The following CNOT4 variants were observed in gnomAD, a reference collection of about 807,000 sequenced individuals.
CNOT4 encodes CCR4-NOT transcription complex subunit 4, also known as CCR4-associated factor 4.
In CNOT4, 8 loss-of-function variants were observed where a neutral mutation model predicts 73.8. The observed-to-expected ratio is 0.11, with a 90% CI of 0.06 to 0.20. CNOT4 has a LOEUF of 0.20. Among genes scored for constraint, CNOT4 ranks in the 10% least tolerant of loss-of-function variants. CNOT4 has a pLI of 1.00. For missense variants in CNOT4, 564 were observed against 883.4 expected (o/e 0.64, Z 4.58); for synonymous variants, 293 against 321.1 (o/e 0.91, Z 0.94).
rs767971008 is a variant in CNOT4 at position 135,398,238 on chromosome 7, A to G, written c.822-12T>C. On this transcript the variant is annotated splice_polypyrimidine_tract_variant and intron_variant, in intron 7 of 11. Transcript: ENST00000541284. ...GTTTGTCAATGGGGCTATAAAAAGA[A>G]AACAAATTGAATAAAATCAGAATAT... 5 of 1,398,778 alleles carry G rather than the reference A, an allele frequency of 3.6e-6. No homozygotes were observed. The East Asian group carries it at 1.1e-4, about 32-fold the overall frequency. 86.6% of individuals were successfully genotyped at this position (1,398,778 alleles called of 1,614,324 possible).
At chr7:135,504,247 T>C (rs899219226) in intron 1 of CNOT4, among the ~76,000 whole-genome samples, 1 of 152,040 alleles carries the variant, frequency 6.6e-6, no homozygotes, top group African/African-American at 2.4e-5. Context: ...CTATTTTGCC[T>C]ACATCATTCA....
intron 1 of CNOT4, among the ~76,000 whole-genome samples, chr7:135,487,669 T>C (rs1802818701): frequency 6.6e-6 from 1 of 152,162 alleles, no homozygotes; most frequent in African/African-American, 2.4e-5. Flanking sequence ...ACATTGATAG[T>C]AGCAATATGA....
intron 1 of CNOT4, among the ~76,000 whole-genome samples, chr7:135,479,367 C>T (rs1339055961): frequency 2.0e-5 from 3 of 151,268 alleles, no homozygotes; most frequent in Non-Finnish European, 4.4e-5. Flanking sequence ...CACCACCATG[C>T]CCAGCTAATT....
At chr7:135,456,706 C>G (rs1005320140) in intron 1 of CNOT4, among the ~76,000 whole-genome samples, 48 of 152,034 alleles carry the variant, frequency 3.2e-4, no homozygotes, top group Non-Finnish European at 6.5e-4. Flanking sequence ...GCTATATAAA[C>G]AGTTACTGTG....
intron 1 of CNOT4, among the ~76,000 whole-genome samples, chr7:135,460,564 A>G (rs1441364186): frequency 6.6e-6 from 1 of 152,178 alleles, no homozygotes; most frequent in Non-Finnish European, 1.5e-5. Context: ...ACGTAGGTGC[A>G]GTTCCCGGCA....
intron 10 of CNOT4, among the ~76,000 whole-genome samples, chr7:135,382,408 A>G (rs1391851561): frequency 6.6e-6 from 1 of 152,210 alleles, no homozygotes; most frequent in East Asian, 1.9e-4. Context: ...CAATCCATCA[A>G]CAAGGTTTCA....
chr7:135,410,774 A>T, intron 6 of CNOT4, 126 bp from the exon 7 acceptor site: 1 of 587,972 alleles, frequency 1.7e-6, no homozygotes, highest in Non-Finnish European at 2.3e-6. Context: ...AAAATAAAAT[A>T]TTAAATAAAT....
chr7:135,500,765 T>C lies in CNOT4; in HGVS notation c.-93+9124A>G, dbSNP rs574443322. 1.5e-3 allele frequency among the ~76,000 whole-genome samples: 226 copies of C among 152,348 alleles called. 1 individual carries two copies. Among genetic ancestry groups the C allele is most frequent in the African/African-American group, 5.1e-3 (214 of 41,590 alleles). On this transcript the variant is annotated intron_variant, in intron 1 of 11. Coordinates refer to ENST00000541284, the MANE Select transcript of CNOT4 (RefSeq NM_001190850.2). ...ATTAAAGTCATCCAGTAATATTTAC[T>C]GGTTATAGCTATTCAAATGTGAGTA...
intron 10 of CNOT4, among the ~76,000 whole-genome samples, chr7:135,379,994 C>T (rs1051541721): frequency 3.3e-5 from 5 of 152,078 alleles, no homozygotes; most frequent in Non-Finnish European, 7.4e-5. Context: ...AGCAACAGTG[C>T]TAGGCTACAA....
At chr7:135,470,428 G>C (rs532516093) in intron 1 of CNOT4, among the ~76,000 whole-genome samples, 14 of 152,148 alleles carry the variant, frequency 9.2e-5, no homozygotes, top group Non-Finnish European at 1.6e-4. Context: ...ACCATGCTTG[G>C]CCTGTTCATA....
chr7:135,495,526 A>T (rs1323241167), intron 1 of CNOT4, among the ~76,000 whole-genome samples: 35 of 148,160 alleles, frequency 2.4e-4, no homozygotes, highest in African/African-American at 8.3e-4. Context: ...AAAAAAAAAA[A>T]ATAGCTGAAT....
chr7:135,444,505 C>A, intron 1 of CNOT4: 2 of 925,846 alleles, frequency 2.2e-6, no homozygotes, highest in Non-Finnish European at 1.8e-6. Context: ...GGAGGTCGAG[C>A]TCTGTTGCTG....
chr7:135,412,913 G>A (rs1026476092), intron 6 of CNOT4, among the ~76,000 whole-genome samples: 1 of 151,902 alleles, frequency 6.6e-6, no homozygotes, highest in Non-Finnish European at 1.5e-5. Context: ...CAGGAGAAGA[G>A]GAAATGTAAA....
chr7:135,413,353 T>C, intron 6 of CNOT4, 135 bp downstream of exon 6: 1 of 992,716 alleles, frequency 1.0e-6, no homozygotes, highest in Non-Finnish European at 1.5e-6. Flanking sequence ...AAACACTTCA[T>C]TTGGCAAATG....
At chr7:135,487,507 T>C (rs1341025007) in intron 1 of CNOT4, among the ~76,000 whole-genome samples, 2 of 152,100 alleles carry the variant, frequency 1.3e-5, no homozygotes, top group Non-Finnish European at 2.9e-5. Context: ...CAAAATGTGC[T>C]GGGACTACAG....
chr7:135,462,122 A>G (rs892708304), intron 1 of CNOT4, among the ~76,000 whole-genome samples: 16 of 152,296 alleles, frequency 1.1e-4, no homozygotes, highest in East Asian at 7.7e-4. Context: ...GGTGAAAAAA[A>G]AGGAAAATTT....
chr7:135,467,461 G>A (rs558369300), intron 1 of CNOT4, among the ~76,000 whole-genome samples: 8 of 151,978 alleles, frequency 5.3e-5, no homozygotes, highest in East Asian at 1.9e-4. Flanking sequence ...CTGTAATCCC[G>A]GCACTTTGGG....
intron 1 of CNOT4, among the ~76,000 whole-genome samples, chr7:135,446,606 C>T (rs1388103014): frequency 6.6e-6 from 1 of 151,966 alleles, no homozygotes; most frequent in Non-Finnish European, 1.5e-5. Flanking sequence ...TGCAAGTCCA[C>T]TGAATACAGT....
chr7:135,509,696 G>C (rs541202569), intron 1 of CNOT4, 193 bp downstream of exon 1: 71 of 215,122 alleles, frequency 3.3e-4, no homozygotes, highest in Middle Eastern at 1.0e-3. Context: ...TTTCCTTATG[G>C]TAACTGCTGT....
Sources: allele counts gnomAD v4.1 joint callset (sites outside exome capture counted in the v4.1 genomes callset), GRCh38; gene constraint gnomAD v4.1.1; transcripts MANE v1.5; gene names NCBI Gene and HGNC (gene_info 2026-07-23, HGNC 2026-07-21).